The following FYN variants were observed in gnomAD, a reference collection of about 807,000 sequenced individuals.
FYN encodes the protein tyrosine-protein kinase Fyn.
In FYN, 10 loss-of-function variants were observed where a neutral mutation model predicts 70.2. The ratio of observed to expected loss-of-function variants is 0.14; its 90% CI spans 0.09 to 0.24. FYN has a LOEUF of 0.24. FYN is among the 10% of genes least tolerant of loss of function. The pLI is 1.00. For missense variants in FYN, 319 were observed against 673.1 expected (o/e 0.47, Z 5.82); for synonymous variants, 236 against 248.6 (o/e 0.95, Z 0.48).
At chr6:111,743,963 G>A (rs1185400109) in intron 3 of FYN, among the ~76,000 whole-genome samples, 1 of 152,168 alleles carries the variant, frequency 6.6e-6, no homozygotes, top group South Asian at 2.1e-4. Flanking sequence ...TCTCCAAGCC[G>A]ATGAGCTGTC....
At chr6:111,789,921 G>A (rs1305489018) in intron 2 of FYN, among the ~76,000 whole-genome samples, 1 of 152,190 alleles carries the variant, frequency 6.6e-6, no homozygotes, top group Admixed American at 6.5e-5. Flanking sequence ...GAAGGCCCAT[G>A]AAATACACAC....
rs551198434 is a variant in FYN at position 111,716,215 on chromosome 6, A to G, written c.248-1772T>C. On this transcript the variant is annotated intron_variant, in intron 4 of 13. Transcript: ENST00000354650. ...CTGTTTCCACAGCCCAAATCCTCCT[A>G]GCTCAGAAGCTAGGGCTAAGCAGTT... Among the ~76,000 whole-genome samples, 7 of 152,268 alleles carry G rather than the reference A, an allele frequency of 4.6e-5. No homozygotes were observed. In the South Asian group the frequency reaches 1.5e-3, roughly 32 times the overall value.
intron 2 of FYN, among the ~76,000 whole-genome samples, chr6:111,797,780 T>A (rs1026529383): frequency 3.3e-5 from 5 of 150,710 alleles, no homozygotes; most frequent in Non-Finnish European, 5.9e-5. Context: ...TTTCTTTTTT[T>A]GAGATGGAGT....
At chr6:111,803,411 T>A (rs758214352) in intron 2 of FYN, among the ~76,000 whole-genome samples, 65 of 152,148 alleles carry the variant, frequency 4.3e-4, no homozygotes, top group Non-Finnish European at 1.6e-4. Context: ...TTAATAAATG[T>A]CCAAGAGGTT....
At chr6:111,840,779 A>G (rs1237843215) in intron 2 of FYN, among the ~76,000 whole-genome samples, 1 of 152,226 alleles carries the variant, frequency 6.6e-6, no homozygotes, top group Non-Finnish European at 1.5e-5. Flanking sequence ...GCATCTTTTC[A>G]GCCATTCTTC....
chr6:111,703,107 T>C, intron 7 of FYN, 73 bp from the exon 8 acceptor site: 1 of 1,407,362 alleles, frequency 7.1e-7, no homozygotes, highest in Non-Finnish European at 9.8e-7. Flanking sequence ...CTCATTTTCT[T>C]GACTCTGATT....
chr6:111,854,980 G>A (rs1035295165), intron 1 of FYN, among the ~76,000 whole-genome samples: 5 of 152,204 alleles, frequency 3.3e-5, no homozygotes, highest in African/African-American at 1.2e-4. Context: ...CACTCTAGGA[G>A]ACATTTCTTT....
intron 3 of FYN, among the ~76,000 whole-genome samples, chr6:111,769,416 T>G (rs1413833654): frequency 6.6e-6 from 1 of 152,232 alleles, no homozygotes; most frequent in Non-Finnish European, 1.5e-5. Flanking sequence ...TTTTCTCCCC[T>G]GAGATTGTGA....
chr6:111,764,847 C>T (rs1219080929), intron 3 of FYN, among the ~76,000 whole-genome samples: 1 of 152,232 alleles, frequency 6.6e-6, no homozygotes, highest in Non-Finnish European at 1.5e-5. Context: ...TGTCACCCTC[C>T]TGTTCTAGTT....
At chr6:111,860,148 C>T (rs1486248183) in intron 1 of FYN, among the ~76,000 whole-genome samples, 2 of 152,094 alleles carry the variant, frequency 1.3e-5, no homozygotes, top group Non-Finnish European at 2.9e-5. Flanking sequence ...AGGACTATGA[C>T]AGAAAATGTT....
chr6:111,819,987 T>C (rs1488695765), intron 2 of FYN: 1 of 152,194 alleles, frequency 6.6e-6, no homozygotes, highest in Non-Finnish European at 1.5e-5. Flanking sequence ...AAATTCCAAA[T>C]ACCCAAGTGT....
At chr6:111,710,861 G>C (rs1293937114) in intron 5 of FYN, among the ~76,000 whole-genome samples, 1 of 152,214 alleles carries the variant, frequency 6.6e-6, no homozygotes, top group African/African-American at 2.4e-5. Flanking sequence ...TGTTAAAGCT[G>C]TATTTCTTTA....
intron 3 of FYN, among the ~76,000 whole-genome samples, chr6:111,722,057 T>C (rs1437100305): frequency 6.6e-6 from 1 of 152,176 alleles, no homozygotes; most frequent in Admixed American, 6.5e-5. Flanking sequence ...GGAGGTGCCA[T>C]ATCAGAAGAG....
At chr6:111,676,602 C>T (rs966295814) in intron 12 of FYN, 4 of 152,196 alleles carry the variant, frequency 2.6e-5, no homozygotes, top group African/African-American at 9.7e-5. Context: ...GCAGACTTTG[C>T]TCTGGACCAA....
At chr6:111,767,723 C>T (rs988879695) in intron 3 of FYN, among the ~76,000 whole-genome samples, 8 of 152,112 alleles carry the variant, frequency 5.3e-5, no homozygotes, top group Non-Finnish European at 7.4e-5. Context: ...TTGAAAATTA[C>T]GTGTGTACTC....
At chr6:111,831,510 T>G (rs973708586) in intron 2 of FYN, among the ~76,000 whole-genome samples, 4 of 152,198 alleles carry the variant, frequency 2.6e-5, no homozygotes, top group Non-Finnish European at 5.9e-5. Flanking sequence ...TATTCACAAA[T>G]CTGTAATATT....
intron 2 of FYN, among the ~76,000 whole-genome samples, chr6:111,817,582 C>G (rs1346689922): frequency 6.6e-6 from 1 of 152,184 alleles, no homozygotes; most frequent in African/African-American, 2.4e-5. Flanking sequence ...CTGAACCCAG[C>G]CTTGTTAACT....
intron 2 of FYN, among the ~76,000 whole-genome samples, chr6:111,835,338 G>C (rs1562538730): frequency 6.6e-6 from 1 of 152,158 alleles, no homozygotes; most frequent in Non-Finnish European, 1.5e-5. Flanking sequence ...TCACTTTAAT[G>C]ACCCTATTTT....
chr6:111,716,643 C>A (rs1444167308), intron 4 of FYN, among the ~76,000 whole-genome samples: 1 of 147,998 alleles, frequency 6.8e-6, no homozygotes, highest in African/African-American at 2.6e-5. Flanking sequence ...GGAAACATAA[C>A]CTCTGTATAT....
Sources: gnomAD v4.1 joint callset for allele counts (sites outside exome capture counted in the v4.1 genomes callset) on GRCh38, gnomAD v4.1.1 for gene constraint, MANE v1.5 for transcripts, NCBI Gene and HGNC (gene_info 2026-07-23, HGNC 2026-07-21) for gene names.